The following ARHGAP24 variants were observed in gnomAD, a reference collection of about 807,000 sequenced individuals.
ARHGAP24 encodes Rho GTPase activating protein 24, also known as rho GTPase-activating protein 24.
In ARHGAP24, 50 loss-of-function variants were observed where a neutral mutation model predicts 76.4. That is an observed-to-expected ratio of 0.65 (90% CI 0.52 to 0.83). ARHGAP24 has a LOEUF of 0.83. Ranked by LOEUF, ARHGAP24 falls within the 40% of genes least tolerant of loss-of-function variation. ARHGAP24 has a pLI of 0.00. For missense variants in ARHGAP24, 930 were observed against 914.2 expected, an observed-to-expected ratio of 1.02 and a Z score of -0.22; for synonymous variants, 345 against 323.3, an observed-to-expected ratio of 1.07 and a Z score of -0.72.
chr4:85,793,791 T>G (rs1270559632), intron 3 of ARHGAP24, among the ~76,000 whole-genome samples: 1 of 152,198 alleles, frequency 6.6e-6, no homozygotes, highest in Non-Finnish European at 1.5e-5. Flanking sequence ...CACCACATGT[T>G]GCCAAAAACA....
Position 85,923,634 on chromosome 4 carries a change from C to A in ARHGAP24, c.269-14C>A. 1 of 1,613,470 alleles carries A rather than the reference C, an allele frequency of 6.2e-7. No individual in the cohort carries two copies. Among genetic ancestry groups the A allele is most frequent in the Non-Finnish European group, 8.5e-7 (1 of 1,179,662 alleles). On this transcript the variant is annotated splice_polypyrimidine_tract_variant and intron_variant, in intron 3 of 9. Coordinates refer to ENST00000395184, the MANE Select transcript of ARHGAP24 (RefSeq NM_001025616.3). ...GGATGCAACTTCAGCTGCATTGTTA[C>A]TGTGTTTTCACAGGAGGCGATCGAG...
chr4:85,617,091 A>G (rs1720566014), intron 2 of ARHGAP24, among the ~76,000 whole-genome samples: 1 of 147,000 alleles, frequency 6.8e-6, no homozygotes, highest in African/African-American at 2.5e-5. Context: ...TGTATTATAT[A>G]TATTTATAAA....
chr4:85,857,165 GA>G (rs1731625948), intron 3 of ARHGAP24, among the ~76,000 whole-genome samples: 1 of 152,116 alleles, frequency 6.6e-6, no homozygotes, highest in Non-Finnish European at 1.5e-5. Flanking sequence ...GAGGATACAG[GA>G]GTCACCAAAG....
At chr4:85,561,402 G>C (rs565165773) in intron 1 of ARHGAP24, among the ~76,000 whole-genome samples, 2 of 152,298 alleles carry the variant, frequency 1.3e-5, no homozygotes, top group African/African-American at 4.8e-5. Flanking sequence ...TTTGGACCTA[G>C]AGGATTGATT....
intron 8 of ARHGAP24, among the ~76,000 whole-genome samples, chr4:85,980,806 G>A (rs1340338305): frequency 6.6e-6 from 1 of 152,144 alleles, no homozygotes; most frequent in African/African-American, 2.4e-5. Context: ...ATAGTAATAT[G>A]AAGATGCTGT....
At chr4:85,913,869 A>T (rs1451343761) in intron 3 of ARHGAP24, among the ~76,000 whole-genome samples, 2 of 152,188 alleles carry the variant, frequency 1.3e-5, no homozygotes, top group Non-Finnish European at 2.9e-5. Context: ...GGGAATTTTT[A>T]AAATGGATTT....
chr4:85,741,911 A>G (rs1259727687), intron 3 of ARHGAP24, among the ~76,000 whole-genome samples: 1 of 152,116 alleles, frequency 6.6e-6, no homozygotes, highest in African/African-American at 2.4e-5. Context: ...TATGTAGTTC[A>G]AAGACCAAAA....
intron 3 of ARHGAP24, among the ~76,000 whole-genome samples, chr4:85,733,433 T>G (rs1394287749): frequency 6.6e-6 from 1 of 152,130 alleles, no homozygotes; most frequent in Admixed American, 6.5e-5. Context: ...AAGGACTCTC[T>G]GGTCCCATAT....
intron 3 of ARHGAP24, among the ~76,000 whole-genome samples, chr4:85,820,484 G>T (rs1729421715): frequency 6.6e-6 from 1 of 152,132 alleles, no homozygotes; most frequent in African/African-American, 2.4e-5. Flanking sequence ...GGCCCTACTT[G>T]AGGCTGGAAG....
intron 2 of ARHGAP24, among the ~76,000 whole-genome samples, chr4:85,588,478 A>C (rs1727954630): frequency 6.6e-6 from 1 of 152,050 alleles, no homozygotes; most frequent in Non-Finnish European, 1.5e-5. Context: ...GTTTGATAGC[A>C]CTTTTCATGT....
intron 2 of ARHGAP24, among the ~76,000 whole-genome samples, chr4:85,598,970 A>T (rs1317054259): frequency 2.0e-5 from 3 of 151,752 alleles, no homozygotes; most frequent in Non-Finnish European, 4.4e-5. Flanking sequence ...TATGTTATTT[A>T]TATAAAACTT....
chr4:85,774,737 C>T (rs894326538), intron 3 of ARHGAP24, among the ~76,000 whole-genome samples: 27 of 152,140 alleles, frequency 1.8e-4, no homozygotes, highest in African/African-American at 6.0e-4. Flanking sequence ...TCCTCATTTC[C>T]TGTCATTCCT....
At chr4:85,656,246 A>C (rs1014831846) in intron 2 of ARHGAP24, among the ~76,000 whole-genome samples, 6 of 152,192 alleles carry the variant, frequency 3.9e-5, no homozygotes, top group Admixed American at 6.5e-5. Context: ...AAGATAAAAC[A>C]ATTTGTGGAA....
intron 3 of ARHGAP24, among the ~76,000 whole-genome samples, chr4:85,907,530 G>A (rs369728670): frequency 4.6e-5 from 7 of 152,188 alleles, no homozygotes; most frequent in African/African-American, 1.7e-4. Context: ...ATTATTGGCT[G>A]ATACATAATT....
chr4:85,827,457 T>C (rs961728914), intron 3 of ARHGAP24, among the ~76,000 whole-genome samples: 5 of 144,302 alleles, frequency 3.5e-5, no homozygotes, highest in African/African-American at 7.9e-5. Context: ...CACTGAAGTC[T>C]GCCCGTGTGT....
intron 4 of ARHGAP24, among the ~76,000 whole-genome samples, chr4:85,941,237 G>T (rs1736930096): frequency 6.6e-6 from 1 of 152,010 alleles, no homozygotes; most frequent in Non-Finnish European, 1.5e-5. Flanking sequence ...TTAATTAGTG[G>T]AGTACTGAGG....
chr4:85,576,543 C>A (rs1727385304), intron 2 of ARHGAP24, among the ~76,000 whole-genome samples: 1 of 151,976 alleles, frequency 6.6e-6, no homozygotes, highest in African/African-American at 2.4e-5. Context: ...GAAGCCAAAG[C>A]CTCGATGAAG....
intron 1 of ARHGAP24, among the ~76,000 whole-genome samples, chr4:85,518,573 G>A (rs532348204): frequency 9.3e-4 from 142 of 151,880 alleles, no homozygotes; most frequent in African/African-American, 3.2e-3. Context: ...TTGCCTTTGC[G>A]TCCTCATAGC....
chr4:85,674,292 TA>T (rs1722902998), intron 2 of ARHGAP24, among the ~76,000 whole-genome samples: 1 of 152,124 alleles, frequency 6.6e-6, no homozygotes, highest in Admixed American at 6.6e-5. Flanking sequence ...CCAGCCTAGT[TA>T]AAAGGGAAAA....
Sources: gnomAD v4.1 joint callset for allele counts (sites outside exome capture counted in the v4.1 genomes callset) on GRCh38, gnomAD v4.1.1 for gene constraint, MANE v1.5 for transcripts, NCBI Gene and HGNC (gene_info 2026-07-23, HGNC 2026-07-21) for gene names.